HTR1F: variants seen among roughly 807,000 people sequenced by gnomAD.
HTR1F encodes the protein 5-hydroxytryptamine receptor 1F.
In HTR1F, 17 loss-of-function variants were observed where a neutral mutation model predicts 24.0. The ratio of observed to expected loss-of-function variants is 0.71; its 90% CI spans 0.48 to 1.06. HTR1F has a LOEUF of 1.06. HTR1F is among the 50% of genes least tolerant of loss of function. The probability of loss-of-function intolerance (pLI) is 0.00; values close to 1 mark genes in which losing one functional copy is unlikely to be tolerated. For missense variants in HTR1F, 391 were observed against 427.8 expected (o/e 0.91, Z 0.76); for synonymous variants, 186 against 156.8 (o/e 1.19, Z -1.39).
intron 2 of HTR1F, among the ~76,000 whole-genome samples, chr3:87,922,740 G>T (rs1380926702): frequency 6.6e-6 from 1 of 151,710 alleles, no homozygotes; most frequent in African/African-American, 2.4e-5. Flanking sequence ...TTCTTCATGT[G>T]AATATCCCGT....
rs534014876 is a variant in HTR1F, at chr3:87,817,347, C to T, written c.-159-4661C>T. Among the ~76,000 whole-genome samples the T allele has an allele frequency of 2.9e-4, 44 of 152,084 alleles. No individual in the cohort carries two copies. The South Asian group carries it at 8.3e-3, about 29-fold the overall frequency. On this transcript the variant is annotated intron_variant, in intron 1 of 2. Coordinates refer to ENST00000319595, the MANE Select transcript of HTR1F (RefSeq NM_001322209.2). Reference sequence around the variant, plus strand: ...GATAAGTACATCTCTATATAGTGTGCAATATATCATTATACAAAAACAGTC... The same window carrying T: ...GATAAGTACATCTCTATATAGTGTGTAATATATCATTATACAAAAACAGTC...
rs1329242370 is a variant in HTR1F at position 87,993,790 on chromosome 3, C to A, written c.*1940C>A. 2 of 166,738 alleles carry A rather than the reference C, an allele frequency of 1.2e-5. No individual in the cohort carries two copies. Among genetic ancestry groups the A allele is most frequent in the African/African-American group, 4.8e-5 (2 of 41,344 alleles). The allele number at this position is 166,738 out of a possible 1,614,324, so 10.3% of individuals were successfully genotyped here. A position where few individuals can be genotyped will look rare whatever the true frequency, so the allele number is the denominator to read the frequency against. Reference sequence around the variant, plus strand: ...TGCTGACGATGGGTAATCACTGATACTTTTAGCAAAAATATTACAAGTTTA... The same window carrying A: ...TGCTGACGATGGGTAATCACTGATAATTTTAGCAAAAATATTACAAGTTTA... On this transcript the variant is annotated 3_prime_UTR_variant, in exon 3 of 3. Coordinates refer to ENST00000319595, the MANE Select transcript of HTR1F (RefSeq NM_001322209.2).
Position 87,887,721 on chromosome 3 carries a change from G to A in HTR1F, c.-43+65597G>A, listed in dbSNP as rs1194860940. ...ATGCAGCCAAAAGACACATGAAATTGCTCATCATCACTGGTCATCAGAGAA... is the reference window on the plus strand; with the variant it reads ...ATGCAGCCAAAAGACACATGAAATTACTCATCATCACTGGTCATCAGAGAA... On this transcript the variant is annotated intron_variant, in intron 2 of 2. Coordinates refer to ENST00000319595, the MANE Select transcript of HTR1F (RefSeq NM_001322209.2). Among the ~76,000 whole-genome samples, 4 of 152,096 alleles carry A rather than the reference G, an allele frequency of 2.6e-5. 1 individual carries two copies. The highest frequency in any genetic ancestry group is 2.6e-4 in the Admixed American group (4 of 15,252).
At chr3:87,795,657 T>G (rs2107050851) in intron 1 of HTR1F, among the ~76,000 whole-genome samples, 1 of 152,316 alleles carries the variant, frequency 6.6e-6, no homozygotes, top group South Asian at 2.1e-4. Context: ...ACAGTTCCCG[T>G]GCCCTGTAAG....
At chr3:87,922,151 A>G (rs1222113644) in intron 2 of HTR1F, among the ~76,000 whole-genome samples, 2 of 152,060 alleles carry the variant, frequency 1.3e-5, no homozygotes, top group Non-Finnish European at 2.9e-5. Context: ...CCTGCAATGT[A>G]TAAGAGTTTC....
At chr3:87,832,775 T>C (rs947776873) in intron 2 of HTR1F, among the ~76,000 whole-genome samples, 2 of 152,222 alleles carry the variant, frequency 1.3e-5, no homozygotes, top group African/African-American at 4.8e-5. Context: ...TTTCACATTA[T>C]CAAGATTACA....
intron 2 of HTR1F, among the ~76,000 whole-genome samples, chr3:87,856,383 T>C (rs116301538): frequency 0.011 from 1,724 of 152,154 alleles, 29 homozygotes; most frequent in African/African-American, 0.038. Flanking sequence ...AGCGAGCATA[T>C]GGGAAATTTC....
rs1048483164 is a variant in HTR1F, at chr3:87,905,335, T to TA, written c.-43+83221dup. 1.5e-3 allele frequency among the ~76,000 whole-genome samples: 227 copies of TA among 147,132 alleles called. 1 individual carries two copies. The highest frequency in any genetic ancestry group is 6.7e-3 in the East Asian group (34 of 5,060). Reference sequence around the variant, plus strand: ...CAAACAAACAAAAAAAAAGTTTGTGTAAAAAAAAAACACCAAGAAAAAGAA... The same window carrying TA: ...CAAACAAACAAAAAAAAAGTTTGTGTAAAAAAAAAAACACCAAGAAAAAGAA... On this transcript the variant is annotated intron_variant, in intron 2 of 2. Coordinates refer to ENST00000319595, the MANE Select transcript of HTR1F (RefSeq NM_001322209.2).
At chr3:87,898,012 G>T (rs891094789) in intron 2 of HTR1F, among the ~76,000 whole-genome samples, 3 of 152,076 alleles carry the variant, frequency 2.0e-5, no homozygotes, top group African/African-American at 7.2e-5. Flanking sequence ...ACAAGCAGAT[G>T]AATAGATCAA....
At chr3:87,875,923 CAAAAA>C (rs35699795) in intron 2 of HTR1F, among the ~76,000 whole-genome samples, 1 of 86,732 alleles carries the variant, frequency 1.2e-5, no homozygotes, top group Non-Finnish European at 2.6e-5. Context: ...GGCTCCGTCT[CAAAAA>C]AAAAAAAAAA....
At chr3:87,832,135 TC>T (rs371091914) in intron 2 of HTR1F, among the ~76,000 whole-genome samples, 1 of 152,216 alleles carries the variant, frequency 6.6e-6, no homozygotes, top group African/African-American at 2.4e-5. Flanking sequence ...AAAAGAGAAC[TC>T]GTATTGAGTA....
chr3:87,794,142 A>G (rs1159519603), intron 1 of HTR1F, among the ~76,000 whole-genome samples: 3 of 152,096 alleles, frequency 2.0e-5, no homozygotes, highest in Non-Finnish European at 2.9e-5. Flanking sequence ...TGAGAGGTGG[A>G]ATGAACTCTG....
intron 2 of HTR1F, among the ~76,000 whole-genome samples, chr3:87,833,354 T>C (rs1704621140): frequency 6.6e-6 from 1 of 152,210 alleles, no homozygotes; most frequent in Admixed American, 6.5e-5. Flanking sequence ...TTGAGCTTGC[T>C]ATATCAAAAT....
Position 87,824,926 on chromosome 3 carries a change from C to T in HTR1F, c.-43+2802C>T, listed in dbSNP as rs1367829403. 2.0e-5 allele frequency among the ~76,000 whole-genome samples: 3 copies of T among 152,062 alleles called. No individual in the cohort carries two copies. In the East Asian group the frequency reaches 5.8e-4, roughly 29 times the overall value. On this transcript the variant is annotated intron_variant, in intron 2 of 2. Coordinates refer to ENST00000319595, the MANE Select transcript of HTR1F (RefSeq NM_001322209.2). Reference sequence around the variant, plus strand: ...TTGAATTTTTCATTTTTCCAGCCACCCCTCTCTAGCTTCTGAATTTTTACA... The same window carrying T: ...TTGAATTTTTCATTTTTCCAGCCACTCCTCTCTAGCTTCTGAATTTTTACA...
intron 2 of HTR1F, among the ~76,000 whole-genome samples, chr3:87,834,958 T>C (rs1281873029): frequency 6.6e-6 from 1 of 152,204 alleles, no homozygotes; most frequent in East Asian, 1.9e-4. Context: ...TATCTGACCC[T>C]TTACAGAAAG....
Position 87,993,578 on chromosome 3 carries a change from C to T in HTR1F, c.*1728C>T, listed in dbSNP as rs1299417362. On this transcript the variant is annotated 3_prime_UTR_variant, in exon 3 of 3. Transcript: ENST00000319595. ...CACTGGGGCAAGAAAAATGGAAGAG[C>T]ACACTCCAGGTTGTGACAACATCAG... is the stretch of plus-strand genomic sequence containing the variant. 1 of 166,938 alleles carries T rather than the reference C, an allele frequency of 6.0e-6. No homozygotes were observed. Among genetic ancestry groups the T allele is most frequent in the African/African-American group, 2.4e-5 (1 of 41,390 alleles). The allele number at this position is 166,938 out of a possible 1,614,324, so 10.3% of individuals were successfully genotyped here.
intron 1 of HTR1F, among the ~76,000 whole-genome samples, chr3:87,796,346 A>G (rs1703905685): frequency 6.6e-6 from 1 of 152,180 alleles, no homozygotes; most frequent in African/African-American, 2.4e-5. Context: ...AGGAACAGTT[A>G]CATTTTGAGC....
intron 1 of HTR1F, among the ~76,000 whole-genome samples, chr3:87,802,770 G>C (rs1055538944): frequency 6.6e-6 from 1 of 152,076 alleles, no homozygotes; most frequent in Non-Finnish European, 1.5e-5. Flanking sequence ...TAGTTTTATG[G>C]TACACATAAA....
chr3:87,935,216 C>G (rs186972926), intron 2 of HTR1F, among the ~76,000 whole-genome samples: 1 of 152,090 alleles, frequency 6.6e-6, no homozygotes, highest in East Asian at 1.9e-4. Context: ...GAGACAACAA[C>G]GTGAGAAGTA....
Sources: allele counts gnomAD v4.1 joint callset (sites outside exome capture counted in the v4.1 genomes callset), GRCh38; gene constraint gnomAD v4.1.1; transcripts MANE v1.5; gene names NCBI Gene and HGNC (gene_info 2026-07-23, HGNC 2026-07-21).